The following KCNIP4 variants were observed in gnomAD, a reference collection of about 807,000 sequenced individuals.
KCNIP4 encodes potassium voltage-gated channel interacting protein 4.
In KCNIP4, 12 loss-of-function variants were observed where a neutral mutation model predicts 34.0. That is an observed-to-expected ratio of 0.35 (90% CI 0.23 to 0.57). KCNIP4 has a LOEUF of 0.57. Ranked by LOEUF, KCNIP4 falls within the 20% of genes least tolerant of loss-of-function variation. KCNIP4 has a pLI of 0.83. For missense variants in KCNIP4, 238 were observed against 311.7 expected (o/e 0.76, Z 1.78); for synonymous variants, 124 against 102.2 (o/e 1.21, Z -1.29).
intron 1 of KCNIP4, among the ~76,000 whole-genome samples, chr4:21,420,327 A>G (rs1577333443): frequency 6.6e-6 from 1 of 152,208 alleles, no homozygotes; most frequent in South Asian, 2.1e-4. Flanking sequence ...CTTCACTGCA[A>G]TCTAGGCTGT....
intron 1 of KCNIP4, among the ~76,000 whole-genome samples, chr4:21,861,124 T>A (rs1725050321): frequency 6.6e-6 from 1 of 152,208 alleles, no homozygotes; most frequent in African/African-American, 2.4e-5. Flanking sequence ...ACTTAACTCA[T>A]CTCTTCAATA....
chr4:20,807,271 C>T (rs1367705816), intron 3 of KCNIP4, among the ~76,000 whole-genome samples: 2 of 152,080 alleles, frequency 1.3e-5, no homozygotes, highest in Non-Finnish European at 2.9e-5. Flanking sequence ...TTTATTTTCT[C>T]ATTAGCTCAT....
At chr4:20,870,913 G>C (rs1036834504) in intron 2 of KCNIP4, among the ~76,000 whole-genome samples, 1 of 152,078 alleles carries the variant, frequency 6.6e-6, no homozygotes, top group Non-Finnish European at 1.5e-5. Flanking sequence ...GCTCATTTCA[G>C]TGGGGAAGGG....
At chr4:21,159,034 G>A (rs1208855568) in intron 1 of KCNIP4, among the ~76,000 whole-genome samples, 1 of 151,984 alleles carries the variant, frequency 6.6e-6, no homozygotes, top group African/African-American at 2.4e-5. Context: ...TCCCCAAATT[G>A]ATTTACAGAG....
chr4:21,263,895 C>CTTAA (rs1395615750), intron 1 of KCNIP4, among the ~76,000 whole-genome samples: 1 of 151,910 alleles, frequency 6.6e-6, no homozygotes, highest in Non-Finnish European at 1.5e-5. Flanking sequence ...AATTCCTGGC[C>CTTAA]TTAAGCACCT....
At chr4:21,189,394 T>G (rs963954013) in intron 1 of KCNIP4, among the ~76,000 whole-genome samples, 11 of 152,216 alleles carry the variant, frequency 7.2e-5, no homozygotes, top group African/African-American at 2.4e-4. Context: ...CAAATGTCAA[T>G]GTAATATTAA....
intron 1 of KCNIP4, among the ~76,000 whole-genome samples, chr4:21,874,741 T>C (rs188384149): frequency 5.9e-5 from 9 of 152,358 alleles, no homozygotes; most frequent in African/African-American, 2.2e-4. Context: ...CCCTATTTCA[T>C]GCCAGGATTC....
At chr4:20,817,240 T>C (rs939171201) in intron 3 of KCNIP4, among the ~76,000 whole-genome samples, 2 of 152,194 alleles carry the variant, frequency 1.3e-5, no homozygotes, top group Admixed American at 1.3e-4. Context: ...TTTACCTCCA[T>C]AGGAAGTGTT....
intron 1 of KCNIP4, among the ~76,000 whole-genome samples, chr4:21,123,558 A>G (rs1353468895): frequency 6.6e-6 from 1 of 152,246 alleles, no homozygotes; most frequent in Non-Finnish European, 1.5e-5. Flanking sequence ...TTAAATGTTA[A>G]AACAGAAATT....
intron 1 of KCNIP4, among the ~76,000 whole-genome samples, chr4:21,834,514 G>T (rs1723195860): frequency 6.6e-6 from 1 of 152,130 alleles, no homozygotes; most frequent in Non-Finnish European, 1.5e-5. Flanking sequence ...GGGTTTTCTA[G>T]ATATACAATC....
At chr4:20,866,105 T>G (rs1334669195) in intron 2 of KCNIP4, among the ~76,000 whole-genome samples, 1 of 152,014 alleles carries the variant, frequency 6.6e-6, no homozygotes, top group Non-Finnish European at 1.5e-5. Context: ...CCATTCCTAC[T>G]AAAACTATTC....
At chr4:21,185,741 C>A (rs1052574389) in intron 1 of KCNIP4, among the ~76,000 whole-genome samples, 2 of 152,122 alleles carry the variant, frequency 1.3e-5, no homozygotes, top group African/African-American at 4.8e-5. Flanking sequence ...TATTCCAGTT[C>A]ATTTTCTTTA....
intron 3 of KCNIP4, among the ~76,000 whole-genome samples, chr4:20,786,688 T>G (rs1345821149): frequency 6.6e-6 from 1 of 152,162 alleles, no homozygotes; most frequent in Non-Finnish European, 1.5e-5. Context: ...TCATTTAGAA[T>G]GTACACTGTG....
chr4:21,869,133 C>T (rs1725607103), intron 1 of KCNIP4, among the ~76,000 whole-genome samples: 1 of 152,050 alleles, frequency 6.6e-6, no homozygotes, highest in Admixed American at 6.5e-5. Flanking sequence ...GCTTGAGGGA[C>T]GTCCTGCACT....
intron 1 of KCNIP4, among the ~76,000 whole-genome samples, chr4:21,492,619 T>C (rs143796765): frequency 2.6e-5 from 4 of 152,286 alleles, no homozygotes; most frequent in African/African-American, 9.6e-5. Context: ...GACTAGTTGA[T>C]TGAATGGTCT....
At chr4:21,365,891 T>C (rs999609060) in intron 1 of KCNIP4, among the ~76,000 whole-genome samples, 4 of 152,212 alleles carry the variant, frequency 2.6e-5, no homozygotes, top group Non-Finnish European at 4.4e-5. Flanking sequence ...TATCTGAAAT[T>C]ACAAGTGTTA....
chr4:21,645,034 T>C (rs1746911811), intron 1 of KCNIP4, among the ~76,000 whole-genome samples: 1 of 152,194 alleles, frequency 6.6e-6, no homozygotes, highest in Non-Finnish European at 1.5e-5. Context: ...AGATGTTGTA[T>C]TAATATTACC....
At position 20,995,779 on chromosome 4, in the gene KCNIP4, G is replaced by A. The variant is rs1232794604; in HGVS notation, c.62-113070C>T. On this transcript the variant is annotated intron_variant, in intron 1 of 8. Coordinates refer to ENST00000382152, the MANE Select transcript of KCNIP4 (RefSeq NM_025221.6). ...GCATAATTTCCACCTCACTGCATTT[G>A]TGCAAAAAAATGTTGACACCGGTTA... Among the ~76,000 whole-genome samples, 6 of 152,126 alleles carry A rather than the reference G, an allele frequency of 3.9e-5. No individual in the cohort carries two copies. The East Asian group carries it at 7.7e-4, about 20-fold the overall frequency.
At position 21,328,563 on chromosome 4, in the gene KCNIP4, C is replaced by T. The variant is rs150111975; in HGVS notation, c.62-445854G>A. Among the ~76,000 whole-genome samples the T allele has an allele frequency of 4.1e-4, 62 of 152,264 alleles. No homozygotes were observed. In the South Asian group the frequency reaches 5.2e-3, roughly 13 times the overall value. ...GTGCCTTATTTACTTTGCCCAAGGC[C>T]CACAGTAACCACTGCCTGGCTACCT... On this transcript the variant is annotated intron_variant, in intron 1 of 8. Transcript: ENST00000382152.
Sources: allele counts gnomAD v4.1 joint callset (sites outside exome capture counted in the v4.1 genomes callset), GRCh38; gene constraint gnomAD v4.1.1; transcripts MANE v1.5; gene names NCBI Gene and HGNC (gene_info 2026-07-23, HGNC 2026-07-21).